SEMA3A: variants seen among roughly 807,000 people sequenced by gnomAD.
The protein encoded by SEMA3A is semaphorin 3A, also known as semaphorin-3A.
Under a neutral mutation model 97.9 loss-of-function variants are expected in SEMA3A, and 29 were observed. That is an observed-to-expected ratio of 0.30 (90% confidence interval 0.22 to 0.40). The LOEUF (loss-of-function observed/expected upper bound fraction) is 0.40, where lower values mean the gene tolerates loss of function less well. Among genes scored for constraint, SEMA3A ranks in the 10% least tolerant of loss-of-function variants. The pLI, the probability that SEMA3A is intolerant of heterozygous loss-of-function variation, is 1.00. For synonymous variants in SEMA3A, 321 were observed against 323.7 expected (o/e 0.99, Z 0.09); for missense variants, 763 against 951.3 (o/e 0.80, Z 2.60).
chr7:84,287,968 G>A (rs762726552), intron 3 of SEMA3A, among the ~76,000 whole-genome samples: 2 of 152,064 alleles, frequency 1.3e-5, no homozygotes, highest in African/African-American at 2.4e-5. Context: ...TTTTACTTTT[G>A]TATTCCAGTA....
At chr7:84,365,521 T>G (rs527674694) in intron 2 of SEMA3A, among the ~76,000 whole-genome samples, 1 of 151,642 alleles carries the variant, frequency 6.6e-6, no homozygotes, top group Non-Finnish European at 1.5e-5. Flanking sequence ...CTAAATGAGT[T>G]CTTCACTTTT....
chr7:84,404,229 G>A (rs138949072), intron 1 of SEMA3A, among the ~76,000 whole-genome samples: 3,992 of 152,214 alleles, frequency 0.026, 161 homozygotes, highest in African/African-American at 0.09. Context: ...ACCACAGGAC[G>A]AGAACTACGT....
intron 2 of SEMA3A, among the ~76,000 whole-genome samples, chr7:84,312,094 C>T (rs1216052080): frequency 1.3e-5 from 2 of 151,874 alleles, no homozygotes; most frequent in Admixed American, 1.3e-4. Context: ...TGTAATTGGC[C>T]ATGAATGTGT....
At chr7:83,980,623 A>AAAAAAAAAAAAAAAAAAAAAAAAATATAT (rs1310318006) in intron 14 of SEMA3A, among the ~76,000 whole-genome samples, 1 of 71,762 alleles carries the variant, frequency 1.4e-5, no homozygotes. Flanking sequence ...AAAAAAAAAA[A>AAAAAAAAAAAAAAAAAAAAAAAAATATAT]ATATATATAT....
intron 4 of SEMA3A, among the ~76,000 whole-genome samples, chr7:84,067,449 G>A (rs945365468): frequency 6.6e-6 from 1 of 151,718 alleles, no homozygotes; most frequent in Non-Finnish European, 1.5e-5. Flanking sequence ...AAGAGCTTCT[G>A]CACAGCAAAA....
intron 1 of SEMA3A, among the ~76,000 whole-genome samples, chr7:84,192,629 T>C (rs554277965): frequency 6.6e-6 from 1 of 151,912 alleles, no homozygotes; most frequent in South Asian, 2.1e-4. Flanking sequence ...TTAAATGTAA[T>C]ATTTTTAATG....
At chr7:84,349,641 G>T (rs1802387477) in intron 2 of SEMA3A, among the ~76,000 whole-genome samples, 1 of 152,184 alleles carries the variant, frequency 6.6e-6, no homozygotes, top group African/African-American at 2.4e-5. Context: ...CAATATAAAA[G>T]AATAATGTCC....
intron 1 of SEMA3A, among the ~76,000 whole-genome samples, chr7:84,410,964 G>A (rs1039542851): frequency 6.6e-6 from 1 of 152,068 alleles, no homozygotes; most frequent in Non-Finnish European, 1.5e-5. Context: ...GTTGTCGGGG[G>A]ATTGTAACTT....
In SEMA3A at chr7:84,129,175, G is replaced by T; in HGVS notation, c.281C>A (p.Pro94Gln). 6.2e-7 allele frequency: 1 copy of T among 1,612,510 alleles called. No homozygotes were observed. Among genetic ancestry groups the T allele is most frequent in the Non-Finnish European group, 8.5e-7 (1 of 1,178,746 alleles). ...NIKDFQKIVWPVSYTRRDECK... is the reference protein window; with the variant it reads ...NIKDFQKIVWQVSYTRRDECK... ...TTCATCTCTTCTGGTGTAAGATACT[G>T]GCCACACAATCTAAGGACAGAGAAT... The change falls in exon 3 of 17, where the codon CCA becomes CAA. Residue 94 changes from proline (P) to glutamine (Q), a missense_variant. Around this residue, in one of 2 missense-constraint regions of SEMA3A, gnomAD observed 678 missense variants for 881.3 expected, o/e 0.77. Coordinates refer to ENST00000265362, the MANE Select transcript of SEMA3A (RefSeq NM_006080.3).
chr7:84,429,938 G>A (rs1402531396), intron 1 of SEMA3A, among the ~76,000 whole-genome samples: 1 of 151,754 alleles, frequency 6.6e-6, no homozygotes, highest in Non-Finnish European at 1.5e-5. Context: ...TCCCACATAT[G>A]CTACCTAGGA....
chr7:84,474,549 G>A (rs1330860902), intron 1 of SEMA3A, among the ~76,000 whole-genome samples: 1 of 152,108 alleles, frequency 6.6e-6, no homozygotes, highest in Non-Finnish European at 1.5e-5. Context: ...CTCTAGGTAG[G>A]TGTAATGAGG....
At chr7:84,295,921 A>G in intron 3 of SEMA3A, among the ~76,000 whole-genome samples, 1 of 152,140 alleles carries the variant, frequency 6.6e-6, no homozygotes, top group East Asian at 1.9e-4. Flanking sequence ...TCCACAATTC[A>G]AAGCCACTTT....
chr7:84,459,577 G>T (rs551224471), intron 1 of SEMA3A, among the ~76,000 whole-genome samples: 166 of 152,250 alleles, frequency 1.1e-3, no homozygotes, highest in African/African-American at 3.9e-3. Flanking sequence ...GGAATTGAAA[G>T]AAATACAGGA....
At chr7:84,007,527 A>C (rs753657635) in intron 9 of SEMA3A, 30 bp from the exon 10 acceptor site, 2 of 1,482,650 alleles carry the variant, frequency 1.3e-6, no homozygotes, top group South Asian at 2.9e-5. Context: ...TAAAAACAGA[A>C]GTTCATCTTT....
chr7:84,079,448 ACT>A (rs1456613876), intron 4 of SEMA3A, among the ~76,000 whole-genome samples: 1 of 150,844 alleles, frequency 6.6e-6, no homozygotes, highest in African/African-American at 2.4e-5. Flanking sequence ...TTCGCAACCT[ACT>A]CATCTGACAA....
At chr7:84,058,745 T>G (rs550825475) in intron 5 of SEMA3A, among the ~76,000 whole-genome samples, 1 of 152,322 alleles carries the variant, frequency 6.6e-6, no homozygotes, top group African/African-American at 2.4e-5. Context: ...GTTCTTTTTC[T>G]GAAACACCTA....
At chr7:84,490,037 G>T (rs951171073) in intron 1 of SEMA3A, among the ~76,000 whole-genome samples, 2 of 151,476 alleles carry the variant, frequency 1.3e-5, no homozygotes, top group African/African-American at 4.8e-5. Context: ...AAGCCACAGG[G>T]ACACAAAATG....
At chr7:84,347,043 C>T (rs1802315387) in intron 2 of SEMA3A, among the ~76,000 whole-genome samples, 1 of 152,108 alleles carries the variant, frequency 6.6e-6, no homozygotes, top group African/African-American at 2.4e-5. Flanking sequence ...ATGCTAATAA[C>T]ACCAAGTGTT....
At position 83,981,331 on chromosome 7, in the gene SEMA3A, T is replaced by C; in HGVS notation, c.1642A>G (p.Thr548Ala). 6.2e-7 allele frequency: 1 copy of C among 1,613,878 alleles called. No homozygotes were observed. The highest frequency in any genetic ancestry group is 1.3e-5 in the African/African-American group (1 of 75,024). Residue 548 changes from threonine to alanine, a missense_variant, in exon 14 of 17, where the codon ACT becomes GCT. Physicochemically the swap from Thr to Ala is moderately conservative, Grantham distance 58. Transcript: ENST00000265362. ...DGSACSRYFP[T>A]AKRRTRRQDI... Reference sequence around the variant, plus strand: ...GAATATTTTTCCTACCTCTTTGCAGTGGGAAAATAGCGAGAACATGCAGAA... The same window carrying C: ...GAATATTTTTCCTACCTCTTTGCAGCGGGAAAATAGCGAGAACATGCAGAA...
Sources: allele counts gnomAD v4.1 joint callset (sites outside exome capture counted in the v4.1 genomes callset), GRCh38; gene constraint gnomAD v4.1.1; regional missense constraint gnomAD v4.1.1; transcripts MANE v1.5; gene names NCBI Gene and HGNC (gene_info 2026-07-23, HGNC 2026-07-21).